The following ABI1 variants were observed in gnomAD, a reference collection of about 807,000 sequenced individuals.
ABI1 encodes the protein abl interactor 1, also known as Abelson interactor 1.
In ABI1, 14 loss-of-function variants were observed where a neutral mutation model predicts 54.6. The observed-to-expected ratio is 0.26, with a 90% CI of 0.17 to 0.40. The LOEUF is 0.40. Ranked by LOEUF, ABI1 falls within the 10% of genes least tolerant of loss-of-function variation. The pLI, the probability that ABI1 is intolerant of heterozygous loss-of-function variation, is 1.00. For missense variants in ABI1, 443 were observed against 598.3 expected, an observed-to-expected ratio of 0.74 and a Z score of 2.71; for synonymous variants, 194 against 209.3, an observed-to-expected ratio of 0.93 and a Z score of 0.63.
intron 1 of ABI1, among the ~76,000 whole-genome samples, chr10:26,851,176 G>A (rs2050356852): frequency 6.6e-6 from 1 of 151,832 alleles, no homozygotes; most frequent in South Asian, 2.1e-4. Flanking sequence ...TGAAAAGTGG[G>A]AGATGGAGGA....
In ABI1 at chr10:26,746,802, T is replaced by A; in HGVS notation, c.*1768A>T. 2.5e-6 allele frequency: 1 copy of A among 398,918 alleles called. No homozygotes were observed. The highest frequency in any genetic ancestry group is 4.7e-6 in the Non-Finnish European group (1 of 213,062). The allele number at this position is 398,918 out of a possible 1,614,324, so 24.7% of individuals were successfully genotyped here. On this transcript the variant is annotated 3_prime_UTR_variant, in exon 11 of 11. Transcript: ENST00000376140. ...ATAACCAATGTTAAAATTCAAATGG[T>A]TTGTCTTGATTTACCGTAGGAGTAA...
intron 5 of ABI1, among the ~76,000 whole-genome samples, chr10:26,769,200 A>G (rs1009488344): frequency 3.9e-5 from 6 of 152,180 alleles, no homozygotes; most frequent in African/African-American, 1.4e-4. Flanking sequence ...ACCTTTTCCT[A>G]GGAAAAACAT....
chr10:26,807,334 G>A (rs2133475892), intron 2 of ABI1, among the ~76,000 whole-genome samples: 1 of 152,220 alleles, frequency 6.6e-6, no homozygotes, highest in South Asian at 2.1e-4. Context: ...AATTAGCCAG[G>A]TGTGGTGGTG....
At chr10:26,848,957 A>G (rs2050194321) in intron 1 of ABI1, among the ~76,000 whole-genome samples, 1 of 152,152 alleles carries the variant, frequency 6.6e-6, no homozygotes, top group Admixed American at 6.6e-5. Flanking sequence ...AATGGCAACT[A>G]CATTAGTCAG....
rs1279504891 is a variant in ABI1, at chr10:26,747,789, T to C, written c.*781A>G. 5.3e-6 allele frequency: 1 copy of C among 188,424 alleles called. No homozygotes were observed. The highest frequency in any genetic ancestry group is 1.1e-5 in the Non-Finnish European group (1 of 93,894). 11.7% of individuals were successfully genotyped at this position (188,424 alleles called of 1,614,324 possible). A position where few individuals can be genotyped will look rare whatever the true frequency, so the allele number is the denominator to read the frequency against. On this transcript the variant is annotated 3_prime_UTR_variant, in exon 11 of 11. Transcript: ENST00000376140. ...GCTAAAATTTTTTTCCAAGTTAACA[T>C]ATTGAGAAAATAGAATCATAATTCT...
intron 2 of ABI1, among the ~76,000 whole-genome samples, chr10:26,803,999 T>C (rs947993232): frequency 6.2e-5 from 9 of 146,334 alleles, no homozygotes; most frequent in East Asian, 2.0e-4. Flanking sequence ...AAGGATGAAA[T>C]AAAAAAAAAA....
chr10:26,829,088 C>T (rs1192094505), intron 1 of ABI1, among the ~76,000 whole-genome samples: 4 of 151,988 alleles, frequency 2.6e-5, no homozygotes, highest in African/African-American at 9.7e-5. Context: ...TAGCCGGGCG[C>T]AGTGGCAGGC....
chr10:26,809,952 A>G (rs1264774422), intron 2 of ABI1, among the ~76,000 whole-genome samples: 20 of 152,236 alleles, frequency 1.3e-4, no homozygotes, highest in Non-Finnish European at 5.9e-5. Context: ...ATCTGTATCC[A>G]TTAAATAAAA....
Position 26,746,653 on chromosome 10 carries a change from G to GTAA in ABI1, c.*1914_*1916dup. 1 of 621,564 alleles carries GTAA rather than the reference G, an allele frequency of 1.6e-6. No homozygotes were observed. The allele number at this position is 621,564 out of a possible 1,614,324, so 38.5% of individuals were successfully genotyped here. A position where few individuals can be genotyped will look rare whatever the true frequency, so the allele number is the denominator to read the frequency against. ...AGTTTTTTCAGAAAACTTTTTAAAT[G>GTAA]TAATTAATAAACCACCTGAATCTGT... On this transcript the variant is annotated 3_prime_UTR_variant, in exon 11 of 11. Coordinates refer to ENST00000376140, the MANE Select transcript of ABI1 (RefSeq NM_001012750.3).
chr10:26,804,247 G>A (rs1588926955), intron 2 of ABI1, among the ~76,000 whole-genome samples: 1 of 152,044 alleles, frequency 6.6e-6, no homozygotes, highest in Admixed American at 6.5e-5. Flanking sequence ...GCCAGTCGTC[G>A]TGGTGCATGT....
chr10:26,824,883 T>A (rs2133823019), intron 1 of ABI1, among the ~76,000 whole-genome samples: 1 of 152,334 alleles, frequency 6.6e-6, no homozygotes, highest in South Asian at 2.1e-4. Context: ...ATATAAAAGT[T>A]ATGTTTATAT....
At chr10:26,762,034 T>C (rs1197282586) in intron 7 of ABI1, among the ~76,000 whole-genome samples, 1 of 152,000 alleles carries the variant, frequency 6.6e-6, no homozygotes, top group African/African-American at 2.4e-5. Context: ...TAAGATGGGG[T>C]CTCACTCTGT....
intron 6 of ABI1, among the ~76,000 whole-genome samples, chr10:26,768,539 A>G (rs917255100): frequency 1.4e-5 from 2 of 146,838 alleles, no homozygotes; most frequent in African/African-American, 5.0e-5. Flanking sequence ...ACTCCGTCAC[A>G]AAAAAAAAAA....
At chr10:26,783,245 G>C (rs1842355018) in intron 2 of ABI1, among the ~76,000 whole-genome samples, 1 of 152,186 alleles carries the variant, frequency 6.6e-6, no homozygotes, top group African/African-American at 2.4e-5. Context: ...TGAGGTACTA[G>C]AGCAGTCAAA....
intron 2 of ABI1, among the ~76,000 whole-genome samples, chr10:26,783,097 T>C (rs181941231): frequency 6.6e-6 from 1 of 152,192 alleles, no homozygotes; most frequent in Admixed American, 6.5e-5. Flanking sequence ...ATGTGATATA[T>C]ACATACAATA....
At chr10:26,825,486 C>A (rs148505968) in intron 1 of ABI1, among the ~76,000 whole-genome samples, 18 of 152,066 alleles carry the variant, frequency 1.2e-4, no homozygotes, top group African/African-American at 4.1e-4. Context: ...CATGGTGAAA[C>A]CCTGTCTCTA....
At chr10:26,845,551 G>GA (rs2049906537) in intron 1 of ABI1, among the ~76,000 whole-genome samples, 2 of 152,256 alleles carry the variant, frequency 1.3e-5, no homozygotes, top group South Asian at 4.1e-4. Flanking sequence ...GCTGAGACAG[G>GA]AAAATCACTT....
At chr10:26,798,315 G>A (rs988416290) in intron 2 of ABI1, among the ~76,000 whole-genome samples, 4 of 151,846 alleles carry the variant, frequency 2.6e-5, no homozygotes, top group Non-Finnish European at 5.9e-5. Flanking sequence ...TATTGGGGGG[G>A]GTGAATCAAA....
At chr10:26,782,226 A>G (rs80088342) in intron 2 of ABI1, among the ~76,000 whole-genome samples, 1,661 of 152,266 alleles carry the variant, frequency 0.011, 123 homozygotes, top group Admixed American at 0.096. Flanking sequence ...CAATCTGACA[A>G]TAGGTACACC....
Sources: allele counts gnomAD v4.1 joint callset (sites outside exome capture counted in the v4.1 genomes callset), GRCh38; gene constraint gnomAD v4.1.1; transcripts MANE v1.5; gene names NCBI Gene and HGNC (gene_info 2026-07-23, HGNC 2026-07-21).